ZNF385D: variants seen among roughly 807,000 people sequenced by gnomAD.
ZNF385D encodes zinc finger protein 385D, also known as zinc finger protein 659.
A neutral mutation model predicts 35.8 loss-of-function variants in ZNF385D; 15 were observed. The ratio of observed to expected loss-of-function variants is 0.42; its 90% CI spans 0.28 to 0.64. ZNF385D has a LOEUF of 0.64. ZNF385D is among the 30% of genes least tolerant of loss of function. ZNF385D has a pLI of 0.23. For missense variants in ZNF385D, 474 were observed against 494.6 expected (o/e 0.96, Z 0.39); for synonymous variants, 212 against 186.8 (o/e 1.13, Z -1.10).
chr3:22,126,375 C>T (rs904107175), intron 3 of ZNF385D, among the ~76,000 whole-genome samples: 6 of 131,926 alleles, frequency 4.5e-5, no homozygotes, highest in Non-Finnish European at 7.9e-5. Context: ...CTTCCTCTTA[C>T]TAAGGTTTGG....
intron 3 of ZNF385D, among the ~76,000 whole-genome samples, chr3:21,887,896 T>C (rs1039084567): frequency 1.3e-5 from 2 of 152,158 alleles, no homozygotes; most frequent in Non-Finnish European, 2.9e-5. Flanking sequence ...TTCTGAATTG[T>C]AACAGAAGGT....
At chr3:21,996,278 T>G (rs1695463040) in intron 3 of ZNF385D, among the ~76,000 whole-genome samples, 1 of 152,070 alleles carries the variant, frequency 6.6e-6, no homozygotes. Flanking sequence ...GAGTCAATGG[T>G]GGGAATGTGG....
chr3:21,639,596 T>C (rs2125854642), intron 2 of ZNF385D, among the ~76,000 whole-genome samples: 1 of 152,176 alleles, frequency 6.6e-6, no homozygotes, highest in East Asian at 1.9e-4. Flanking sequence ...ATTCCCTCAT[T>C]GGTAGACACT....
intron 2 of ZNF385D, among the ~76,000 whole-genome samples, chr3:22,277,039 A>G (rs1444088147): frequency 4.6e-5 from 7 of 152,162 alleles, no homozygotes; most frequent in African/African-American, 1.2e-4. Context: ...TTCTATTTCC[A>G]TATCTGTGCT....
intron 1 of ZNF385D, among the ~76,000 whole-genome samples, chr3:21,697,477 G>T (rs776058137): frequency 6.6e-6 from 1 of 152,018 alleles, no homozygotes; most frequent in Non-Finnish European, 1.5e-5. Flanking sequence ...TGGAGTAAAG[G>T]GTACAGAATT....
intron 2 of ZNF385D, among the ~76,000 whole-genome samples, chr3:21,570,017 C>T (rs1052307316): frequency 6.6e-5 from 10 of 151,538 alleles, no homozygotes; most frequent in African/African-American, 2.4e-4. Flanking sequence ...CGTAACTAAC[C>T]TGCACATTGT....
chr3:22,358,185 T>C (rs564243179), intron 2 of ZNF385D, among the ~76,000 whole-genome samples: 1 of 152,042 alleles, frequency 6.6e-6, no homozygotes, highest in South Asian at 2.1e-4. Context: ...AAAGTTCACT[T>C]GTAATAACTG....
chr3:22,359,189 G>A (rs752420797), intron 2 of ZNF385D, among the ~76,000 whole-genome samples: 1 of 151,676 alleles, frequency 6.6e-6, no homozygotes, highest in Admixed American at 6.6e-5. Context: ...CATCTCAGTG[G>A]TCATTTTAGG....
chr3:21,735,183 C>T (rs950818642), intron 1 of ZNF385D, among the ~76,000 whole-genome samples: 4 of 152,128 alleles, frequency 2.6e-5, no homozygotes, highest in African/African-American at 7.2e-5. Context: ...CCTCCACACT[C>T]TATATGACAT....
At chr3:22,156,878 C>T (rs780644950) in intron 3 of ZNF385D, among the ~76,000 whole-genome samples, 12 of 152,112 alleles carry the variant, frequency 7.9e-5, no homozygotes, top group Admixed American at 5.2e-4. Flanking sequence ...TACTTCTCAA[C>T]ACCTGATTTT....
At chr3:21,496,980 G>T (rs1273715966) in intron 4 of ZNF385D, among the ~76,000 whole-genome samples, 1 of 151,988 alleles carries the variant, frequency 6.6e-6, no homozygotes, top group East Asian at 1.9e-4. Context: ...TTACCCTTGA[G>T]AACCGAAACA....
chr3:21,750,455 G>A (rs1049239066), intron 1 of ZNF385D, among the ~76,000 whole-genome samples: 1 of 152,112 alleles, frequency 6.6e-6, no homozygotes, highest in Non-Finnish European at 1.5e-5. Context: ...TTCCTTTTCC[G>A]CCTCAGAACA....
At chr3:22,336,924 A>AAAAAAAAAAC (rs1559527467) in intron 2 of ZNF385D, among the ~76,000 whole-genome samples, 2 of 145,988 alleles carry the variant, frequency 1.4e-5, no homozygotes, top group East Asian at 4.0e-4. Flanking sequence ...AAAAAAAAAA[A>AAAAAAAAAAC]AAAAAAAAAA....
At chr3:22,359,297 T>C (rs1174004546) in intron 2 of ZNF385D, among the ~76,000 whole-genome samples, 2 of 151,854 alleles carry the variant, frequency 1.3e-5, no homozygotes, top group Non-Finnish European at 1.5e-5. Flanking sequence ...AAGAGGTTTT[T>C]CTGTCTTGTA....
chr3:21,821,335 G>A (rs1215634113), intron 3 of ZNF385D, among the ~76,000 whole-genome samples: 1 of 152,092 alleles, frequency 6.6e-6, no homozygotes, highest in Non-Finnish European at 1.5e-5. Context: ...TAGAAAATAT[G>A]CGTGATTATC....
chr3:21,899,535 T>C (rs1699298772), intron 3 of ZNF385D, among the ~76,000 whole-genome samples: 2 of 152,086 alleles, frequency 1.3e-5, no homozygotes. Flanking sequence ...CAGGTGACAA[T>C]TATGCAGTTG....
chr3:22,195,525 C>T (rs550928592), intron 2 of ZNF385D, among the ~76,000 whole-genome samples: 2 of 152,024 alleles, frequency 1.3e-5, no homozygotes, highest in South Asian at 2.1e-4. Flanking sequence ...AAGATTTTCT[C>T]GTATATGTTC....
intron 3 of ZNF385D, among the ~76,000 whole-genome samples, chr3:22,013,607 C>A (rs1696707569): frequency 2.0e-5 from 3 of 152,060 alleles, no homozygotes. Flanking sequence ...GAAATCAAGT[C>A]GACCACTAGG....
chr3:22,345,407 A>C (rs1458169337), intron 2 of ZNF385D, among the ~76,000 whole-genome samples: 2 of 152,218 alleles, frequency 1.3e-5, no homozygotes, highest in African/African-American at 2.4e-5. Context: ...ATAAAGTAAA[A>C]TCCTGATTTC....
Sources: allele counts gnomAD v4.1 joint callset (sites outside exome capture counted in the v4.1 genomes callset), GRCh38; gene constraint gnomAD v4.1.1; transcripts MANE v1.5; gene names NCBI Gene and HGNC (gene_info 2026-07-23, HGNC 2026-07-21).